LRRC37A2: variants seen among roughly 807,000 people sequenced by gnomAD.
The protein encoded by LRRC37A2 is leucine-rich repeat-containing protein 37A2.
Under a neutral mutation model 68.8 loss-of-function variants are expected in LRRC37A2, and 9 were observed. The ratio of observed to expected loss-of-function variants is 0.13; its 90% confidence interval spans 0.08 to 0.23. LRRC37A2 has a LOEUF of 0.23. Among genes scored for constraint, LRRC37A2 ranks in the 10% least tolerant of loss-of-function variants. The probability of loss-of-function intolerance (pLI) is 1.00; values close to 1 mark genes in which losing one functional copy is unlikely to be tolerated. For synonymous variants in LRRC37A2, 63 were observed against 367.6 expected, an observed-to-expected ratio of 0.17 and a Z score of 9.48; for missense variants, 168 against 950.4, an observed-to-expected ratio of 0.18 and a Z score of 10.82.
chr17:46,992,901 T>C, the LRRC37A2 span, among the ~76,000 whole-genome samples: 1 of 137,276 alleles, frequency 7.3e-6, no homozygotes, highest in Non-Finnish European at 1.5e-5. Flanking sequence ...CACAGAAAGA[T>C]GGCCACTATA....
chr17:47,005,926 T>C, the LRRC37A2 span: 1 of 152,364 alleles, frequency 6.6e-6, no homozygotes, highest in Admixed American at 6.5e-5. Flanking sequence ...GTCTTTCTCA[T>C]TGTTTTAGAA....
At chr17:46,667,522 C>A in the LRRC37A2 span, among the ~76,000 whole-genome samples, 1 of 140,640 alleles carries the variant, frequency 7.1e-6, no homozygotes, top group African/African-American at 2.6e-5. Flanking sequence ...AACCCAATGA[C>A]AGCACTGCTC....
the LRRC37A2 span, among the ~76,000 whole-genome samples, chr17:46,945,465 G>A: frequency 1.3e-5 from 2 of 152,202 alleles, no homozygotes; most frequent in Non-Finnish European, 2.9e-5. Context: ...CAGACATGGC[G>A]TAGAATCCTG....
At chr17:46,808,946 A>C in the LRRC37A2 span, among the ~76,000 whole-genome samples, 3 of 152,190 alleles carry the variant, frequency 2.0e-5, no homozygotes, top group Non-Finnish European at 4.4e-5. Flanking sequence ...CAGGGCTGTT[A>C]GCTACATGAC....
the LRRC37A2 span, among the ~76,000 whole-genome samples, chr17:46,792,688 A>G: frequency 6.6e-6 from 1 of 152,110 alleles, no homozygotes; most frequent in African/African-American, 2.4e-5. Flanking sequence ...TGACCAGGCT[A>G]GCCTCGAACT....
the LRRC37A2 span, among the ~76,000 whole-genome samples, chr17:46,769,494 G>A: frequency 6.6e-6 from 1 of 152,156 alleles, no homozygotes; most frequent in African/African-American, 2.4e-5. Flanking sequence ...CCTACACCGC[G>A]TGCCAAGGTG....
chr17:46,940,555 G>C, the LRRC37A2 span: 1,516 of 1,614,144 alleles, frequency 9.4e-4, 1 homozygote, highest in Middle Eastern at 2.6e-3. Context: ...TGTCCCCCAG[G>C]CACCCAAGGA....
At chr17:46,920,274 T>C in the LRRC37A2 span, among the ~76,000 whole-genome samples, 1 of 152,234 alleles carries the variant, frequency 6.6e-6, no homozygotes. Flanking sequence ...GTATCAATTG[T>C]AGCATGTATT....
At chr17:46,975,985 A>G in the LRRC37A2 span, among the ~76,000 whole-genome samples, 3 of 151,968 alleles carry the variant, frequency 2.0e-5, no homozygotes, top group Admixed American at 6.6e-5. Context: ...GGAGTGCAGT[A>G]GCGTAATCTC....
the LRRC37A2 span, among the ~76,000 whole-genome samples, chr17:46,808,643 G>A: frequency 6.6e-6 from 1 of 152,102 alleles, no homozygotes; most frequent in Admixed American, 6.5e-5. Context: ...CATAGCACAT[G>A]GTCAACAAAC....
chr17:46,767,633 C>A, the LRRC37A2 span, among the ~76,000 whole-genome samples: 1 of 152,200 alleles, frequency 6.6e-6, no homozygotes, highest in Non-Finnish European at 1.5e-5. Context: ...CGTCAGGTCT[C>A]CCAGCTTCCA....
chr17:47,022,168 C>CTTTTTTTTTTTTTTTTTTTTTTTTT, the LRRC37A2 span, among the ~76,000 whole-genome samples: 1 of 19,720 alleles, frequency 5.1e-5, no homozygotes, highest in Non-Finnish European at 1.4e-4. Context: ...TTTTTGTTCT[C>CTTTTTTTTTTTTTTTTTTTTTTTTT]TTTTTTTTTT....
At chr17:46,824,694 G>A in the LRRC37A2 span, among the ~76,000 whole-genome samples, 10 of 152,208 alleles carry the variant, frequency 6.6e-5, no homozygotes, top group South Asian at 2.1e-4. Flanking sequence ...GCAGCCCCTC[G>A]AAAACACTGT....
chr17:46,908,355 G>A, the LRRC37A2 span, among the ~76,000 whole-genome samples: 1 of 152,134 alleles, frequency 6.6e-6, no homozygotes, highest in African/African-American at 2.4e-5. Flanking sequence ...GGTCCTGGGC[G>A]CTTCCCTTTC....
chr17:46,786,418 A>T, the LRRC37A2 span, among the ~76,000 whole-genome samples: 2 of 152,212 alleles, frequency 1.3e-5, no homozygotes, highest in African/African-American at 2.4e-5. Context: ...CAGGGGATTC[A>T]CAGGGAAGGG....
chr17:46,834,781 G>A, the LRRC37A2 span, among the ~76,000 whole-genome samples: 2 of 152,096 alleles, frequency 1.3e-5, no homozygotes, highest in African/African-American at 4.8e-5. Context: ...CCCCTGGCCA[G>A]CTCCTCAAGG....
At chr17:46,838,824 G>C in the LRRC37A2 span, among the ~76,000 whole-genome samples, 13 of 152,096 alleles carry the variant, frequency 8.5e-5, no homozygotes, top group East Asian at 2.5e-3. Context: ...TGCACAGAGA[G>C]GGGATTACTC....
the LRRC37A2 span, chr17:46,876,192 C>T: frequency 9.3e-6 from 14 of 1,508,820 alleles, no homozygotes; most frequent in African/African-American, 5.5e-5. Flanking sequence ...GGGGCAGGCT[C>T]TGGCTGCTGG....
At chr17:47,002,232 G>A in the LRRC37A2 span, among the ~76,000 whole-genome samples, 1 of 152,094 alleles carries the variant, frequency 6.6e-6, no homozygotes, top group African/African-American at 2.4e-5. Context: ...TGGGTACATA[G>A]TAAGGGTATG....
Sources: gnomAD v4.1 joint callset for allele counts (sites outside exome capture counted in the v4.1 genomes callset) on GRCh38, gnomAD v4.1.1 for gene constraint, MANE v1.5 for transcripts, NCBI Gene and HGNC (gene_info 2026-07-23, HGNC 2026-07-21) for gene names.